Variants in KCNJ5 observed in about 807,000 individuals in gnomAD.
The protein encoded by KCNJ5 is potassium inwardly rectifying channel subfamily J member 5.
Under a neutral mutation model 20.2 loss-of-function variants are expected in KCNJ5, and 12 were observed. That is an observed-to-expected ratio of 0.59 (90% CI 0.38 to 0.96). KCNJ5 has a LOEUF of 0.96. KCNJ5 is among the 40% of genes least tolerant of loss of function. KCNJ5 has a pLI of 0.00. For missense variants in KCNJ5, 449 were observed against 557.6 expected (o/e 0.81, Z 1.96); for synonymous variants, 210 against 213.9 (o/e 0.98, Z 0.16).
intron 1 of KCNJ5, chr11:128,902,819 C>A: frequency 7.8e-7 from 1 of 1,279,598 alleles, no homozygotes; most frequent in South Asian, 1.5e-5. Flanking sequence ...TGTCCATGGG[C>A]AGAAAAGGCC....
intron 1 of KCNJ5, among the ~76,000 whole-genome samples, chr11:128,892,785 G>T (rs1169889413): frequency 3.9e-5 from 6 of 152,172 alleles, no homozygotes; most frequent in Non-Finnish European, 7.3e-5. Context: ...TTCCATGTGA[G>T]GAAAAGGCTA....
At chr11:128,908,371 T>C (rs1944453458) in intron 1 of KCNJ5, among the ~76,000 whole-genome samples, 1 of 152,204 alleles carries the variant, frequency 6.6e-6, no homozygotes, top group East Asian at 1.9e-4. Flanking sequence ...CAAAGAAAGT[T>C]AAGTTTGTTT....
At chr11:128,898,997 T>G (rs1183485958) in intron 1 of KCNJ5, among the ~76,000 whole-genome samples, 3 of 152,246 alleles carry the variant, frequency 2.0e-5, no homozygotes, top group African/African-American at 7.2e-5. Flanking sequence ...TTTCTTTCAC[T>G]TTGTTTTTCT....
rs1363426172 is a variant in KCNJ5, at chr11:128,917,067, C to T, written c.*336C>T. On this transcript the variant is annotated 3_prime_UTR_variant, in exon 3 of 3. Transcript: ENST00000529694. ...ACTTCCTTTTTTGGGTCTCACAGAC[C>T]CCTCCAGGGGCTGACACCTAGAGAG... 8.6e-6 allele frequency: 2 copies of T among 232,002 alleles called. No homozygotes were observed. The highest frequency in any genetic ancestry group is 4.6e-5 in the African/African-American group (2 of 43,682). The allele number at this position is 232,002 out of a possible 1,614,324, so 14.4% of individuals were successfully genotyped here.
At chr11:128,916,308 G>A (rs1944581445) in intron 2 of KCNJ5, 101 bp from the exon 3 acceptor site, 4 of 884,568 alleles carry the variant, frequency 4.5e-6, no homozygotes, top group Non-Finnish European at 7.6e-6. Flanking sequence ...ATGGATGGAT[G>A]GATAGATGGA....
intron 1 of KCNJ5, chr11:128,902,612 C>T (rs1383433927): frequency 6.2e-7 from 1 of 1,613,744 alleles, no homozygotes; most frequent in Non-Finnish European, 8.5e-7. Context: ...GCCCAGGCGG[C>T]CCTCTCTACT....
At chr11:128,902,778 C>A (rs1259399796) in intron 1 of KCNJ5, 2 of 1,512,678 alleles carry the variant, frequency 1.3e-6, no homozygotes, top group Non-Finnish European at 1.8e-6. Context: ...CTTAACAGCA[C>A]TCTCAGCCTA....
chr11:128,910,096 C>A (rs903571598), intron 1 of KCNJ5, among the ~76,000 whole-genome samples: 1 of 152,150 alleles, frequency 6.6e-6, no homozygotes, highest in African/African-American at 2.4e-5. Context: ...TTAAATCAGC[C>A]AATGGATAAA....
chr11:128,919,370 GGA>G lies in KCNJ5; in HGVS notation c.*2643_*2644del, dbSNP rs1001204021. On this transcript the variant is annotated 3_prime_UTR_variant, in exon 3 of 3. Transcript: ENST00000529694. ...GCCAAGTCTAGAAGCTCTGGCTAGA[GGA>G]GAGGAAGCGTGCAGAGGGTCCTCTG... 1 of 152,316 alleles carries G rather than the reference GGA, an allele frequency of 6.6e-6. No homozygotes were observed. The highest frequency in any genetic ancestry group is 6.5e-5 in the Admixed American group (1 of 15,290). The allele number at this position is 152,316 out of a possible 1,614,324, so 9.4% of individuals were successfully genotyped here.
Position 128,918,906 on chromosome 11 carries a change from C to G in KCNJ5, c.*2175C>G, listed in dbSNP as rs1004815983. ...GAATGGGGAATGGGCTGGCACCCGGCTCAGGGAAAGCAGAAGCAGACAGTG... is the reference window on the plus strand; with the variant it reads ...GAATGGGGAATGGGCTGGCACCCGGGTCAGGGAAAGCAGAAGCAGACAGTG... On this transcript the variant is annotated 3_prime_UTR_variant, in exon 3 of 3. Transcript: ENST00000529694. The G allele has an allele frequency of 6.6e-6, 1 of 152,496 alleles. No homozygotes were observed. Among genetic ancestry groups the G allele is most frequent in the African/African-American group, 2.4e-5 (1 of 41,456 alleles). The allele number at this position is 152,496 out of a possible 1,614,324, so 9.4% of individuals were successfully genotyped here. A position where few individuals can be genotyped will look rare whatever the true frequency, so the allele number is the denominator to read the frequency against.
In KCNJ5 at chr11:128,892,246, T is replaced by C. The variant is rs1944105907; in HGVS notation, c.-11+525T>C. On this transcript the variant is annotated intron_variant, in intron 1 of 2. Coordinates refer to ENST00000529694, the MANE Select transcript of KCNJ5 (RefSeq NM_000890.5). ...ACTTCCTGCGTACCTCCCTATCTCC[T>C]TTTAAAGAGCTTTCAAATGGTTCAG... Among the ~76,000 whole-genome samples, 6 of 152,224 alleles carry C rather than the reference T, an allele frequency of 3.9e-5. No individual in the cohort carries two copies. In the South Asian group the frequency reaches 1.2e-3, roughly 32 times the overall value.
chr11:128,902,369 CTGTTGG>C (rs1274642852), intron 1 of KCNJ5: 4 of 698,326 alleles, frequency 5.7e-6, no homozygotes, highest in Non-Finnish European at 9.5e-6. Flanking sequence ...ACCATTTTTA[CTGTTGG>C]TGAACTGGAG....
intron 1 of KCNJ5, among the ~76,000 whole-genome samples, chr11:128,906,908 G>A (rs184440984): frequency 5.3e-5 from 8 of 152,220 alleles, no homozygotes; most frequent in Non-Finnish European, 1.2e-4. Context: ...AGGGTGTGTT[G>A]GAATTCTGCC....
At chr11:128,903,704 A>G (rs1944335178) in intron 1 of KCNJ5, among the ~76,000 whole-genome samples, 1 of 152,214 alleles carries the variant, frequency 6.6e-6, no homozygotes, top group Non-Finnish European at 1.5e-5. Flanking sequence ...GGGAGCAATC[A>G]GGGACCTCTG....
chr11:128,902,045 C>A (rs1326814332), intron 1 of KCNJ5: 7 of 167,634 alleles, frequency 4.2e-5, no homozygotes, highest in African/African-American at 1.7e-4. Flanking sequence ...CTCTAGCCAC[C>A]CTGGATAGTA....
intron 1 of KCNJ5, among the ~76,000 whole-genome samples, chr11:128,893,509 C>T (rs1944125794): frequency 6.6e-6 from 1 of 152,150 alleles, no homozygotes; most frequent in Admixed American, 6.5e-5. Context: ...AGGATTGTCC[C>T]CAGAACAACG....
chr11:128,904,346 C>T, intron 1 of KCNJ5: 3 of 1,570,164 alleles, frequency 1.9e-6, no homozygotes, highest in Non-Finnish European at 2.6e-6. Flanking sequence ...CTCTACTGCA[C>T]TGATTTTTTT....
chr11:128,899,485 A>C (rs1018605621), intron 1 of KCNJ5: 5 of 152,078 alleles, frequency 3.3e-5, no homozygotes, highest in African/African-American at 1.2e-4. Flanking sequence ...GTGCACTTCT[A>C]CCTCATCTTC....
intron 1 of KCNJ5, among the ~76,000 whole-genome samples, chr11:128,903,033 G>A (rs981770109): frequency 3.3e-5 from 5 of 152,092 alleles, no homozygotes; most frequent in South Asian, 2.1e-4. Context: ...CTGGCTCCAC[G>A]GCATGGCAAG....
Sources: allele counts gnomAD v4.1 joint callset (sites outside exome capture counted in the v4.1 genomes callset), GRCh38; gene constraint gnomAD v4.1.1; transcripts MANE v1.5; gene names NCBI Gene and HGNC (gene_info 2026-07-23, HGNC 2026-07-21).